The following ARHGAP1 variants were observed in gnomAD, a reference collection of about 807,000 sequenced individuals.
ARHGAP1 encodes Rho GTPase activating protein 1, also known as rho GTPase-activating protein 1.
Under a neutral mutation model 52.2 loss-of-function variants are expected in ARHGAP1, and 23 were observed. The observed-to-expected ratio is 0.44, with a 90% confidence interval of 0.32 to 0.62. The LOEUF (loss-of-function observed/expected upper bound fraction) is 0.62, where lower values mean the gene tolerates loss of function less well. Among genes scored for constraint, ARHGAP1 ranks in the 20% least tolerant of loss-of-function variants. The probability of loss-of-function intolerance (pLI) is 0.05; values close to 1 mark genes in which losing one functional copy is unlikely to be tolerated. For synonymous variants in ARHGAP1, 210 were observed against 228.4 expected, an observed-to-expected ratio of 0.92 and a Z score of 0.73; for missense variants, 480 against 560.9, an observed-to-expected ratio of 0.86 and a Z score of 1.46.
At chr11:46,692,170 G>C (rs1054419303) in intron 3 of ARHGAP1, among the ~76,000 whole-genome samples, 4 of 152,166 alleles carry the variant, frequency 2.6e-5, no homozygotes, top group Admixed American at 6.5e-5. Context: ...CTTCCCACTG[G>C]CTCTGACAGT....
At position 46,680,431 on chromosome 11, in the gene ARHGAP1, G is replaced by A. The variant is rs1215372623; in HGVS notation, c.820+56C>T. ...TCTGCCCTGCCCAGCAGCTTCCCCAGCTTCCTGAAGGGAGCCGGGAGACCT... is the reference window on the plus strand; with the variant it reads ...TCTGCCCTGCCCAGCAGCTTCCCCAACTTCCTGAAGGGAGCCGGGAGACCT... On this transcript the variant is annotated intron_variant, in intron 9 of 12. Coordinates refer to ENST00000311956, the MANE Select transcript of ARHGAP1 (RefSeq NM_004308.5). The surrounding 1 kb of genome is among the most constrained non-coding windows in gnomAD (Gnocchi z 5.9). The A allele has an allele frequency of 6.2e-6, 10 of 1,604,752 alleles. No homozygotes were observed. Among genetic ancestry groups the A allele is most frequent in the Admixed American group, 1.7e-5 (1 of 59,970 alleles).
In ARHGAP1 at chr11:46,688,234, T is replaced by C; in HGVS notation, c.256A>G (p.Ile86Val). The C allele has an allele frequency of 6.2e-7, 1 of 1,613,992 alleles. No homozygotes were observed. The highest frequency in any genetic ancestry group is 8.5e-7 in the Non-Finnish European group (1 of 1,179,962). ...GGCATTCGACAGGCACTAAACACAA[T>C]GATCTTCCGCCCATACTTGTCATCT... Reference protein sequence around the residue: ...AGDDKYGRKIIVFSACRMPPS... With the variant: ...AGDDKYGRKIVVFSACRMPPS... Residue 86 changes from isoleucine to valine, a missense_variant, in exon 4 of 13, where the codon ATT (isoleucine) becomes GTT (valine). Ile to Val is a conservative substitution (Grantham distance 29). Coordinates refer to ENST00000311956, the MANE Select transcript of ARHGAP1 (RefSeq NM_004308.5).
chr11:46,699,364 G>A (rs1031640568), intron 1 of ARHGAP1, among the ~76,000 whole-genome samples: 3 of 152,162 alleles, frequency 2.0e-5, no homozygotes, highest in Non-Finnish European at 2.9e-5. Context: ...TCAACCTCAC[G>A]ATAGCACTGA....
chr11:46,685,203 G>C (rs1164671679), intron 4 of ARHGAP1, among the ~76,000 whole-genome samples: 2 of 151,050 alleles, frequency 1.3e-5, no homozygotes, highest in African/African-American at 4.9e-5. Flanking sequence ...TAGGTGGTGG[G>C]TGTGTGGGAG....
chr11:46,680,705 T>G lies in ARHGAP1; in HGVS notation c.678A>C (p.Thr226=), dbSNP rs1456849362. The change falls in exon 8 of 13, where the codon ACA becomes ACC. Residue 226 remains threonine (T), a synonymous_variant. Transcript: ENST00000311956. This position sits in a 1 kb window ranked among gnomAD's most constrained non-coding sequence, Gnocchi z 5.9. ...GCCGTGGGGGCATGGGCTTGGGGGC[T>G]GTCGCGGGGCTCTTCTGTGTGGATT... ...FLKSTQKSPA[T]APKPMPPRPP... 3.2e-6 allele frequency: 5 copies of G among 1,583,392 alleles called. No homozygotes were observed. Among genetic ancestry groups the G allele is most frequent in the Non-Finnish European group, 3.4e-6 (4 of 1,164,494 alleles).
chr11:46,681,104 T>G lies in ARHGAP1; in HGVS notation c.542A>C (p.Lys181Thr). 6.2e-7 allele frequency: 1 copy of G among 1,614,096 alleles called. No individual in the cohort carries two copies. The highest frequency in any genetic ancestry group is 8.5e-7 in the Non-Finnish European group (1 of 1,179,942). Reference protein sequence around the residue: ...LILFKPLISFKFGQKIFYVNY... With the variant: ...LILFKPLISFTFGQKIFYVNY... ...CACATAGAAGATCTTCTGCCCGAAC[T>G]TGAAGCTGTTGGTGGAAGAAAGGGC... is the stretch of plus-strand genomic sequence containing the variant. Residue 181 changes from lysine to threonine, a missense_variant, in exon 7 of 13, where the codon AAG becomes ACG. Coordinates refer to ENST00000311956, the MANE Select transcript of ARHGAP1 (RefSeq NM_004308.5). The surrounding 1 kb of genome is among the most constrained non-coding windows in gnomAD (Gnocchi z 5.7).
At chr11:46,683,881 C>A in intron 4 of ARHGAP1, among the ~76,000 whole-genome samples, 1 of 152,174 alleles carries the variant, frequency 6.6e-6, no homozygotes, top group South Asian at 2.1e-4. Flanking sequence ...CTCAGGTGAT[C>A]CGCCTGCCTC....
At chr11:46,686,540 T>C (rs1189555806) in intron 4 of ARHGAP1, among the ~76,000 whole-genome samples, 1 of 151,720 alleles carries the variant, frequency 6.6e-6, no homozygotes, top group African/African-American at 2.4e-5. Context: ...CTCAGCCTCC[T>C]GAGTAGCTGG....
chr11:46,694,233 A>G (rs1402597357), intron 3 of ARHGAP1, among the ~76,000 whole-genome samples: 1 of 151,704 alleles, frequency 6.6e-6, no homozygotes, highest in African/African-American at 2.4e-5. Flanking sequence ...GTGTCCCCAC[A>G]CAGCCTCCCC....
chr11:46,690,324 T>C (rs2064602384), intron 3 of ARHGAP1, among the ~76,000 whole-genome samples: 1 of 151,808 alleles, frequency 6.6e-6, no homozygotes. Context: ...GAGACGGAGC[T>C]TGCAGTGAGC....
chr11:46,680,724 G>T lies in ARHGAP1; in HGVS notation c.659C>A (p.Thr220Lys). The change falls in exon 8 of 13, where the codon ACA (threonine) becomes AAA (lysine). Residue 220 changes from threonine to lysine, a missense_variant. Physicochemically the swap from Thr to Lys is moderately conservative, Grantham distance 78 (BLOSUM62 -1). Transcript: ENST00000311956. This position sits in a 1 kb window ranked among gnomAD's most constrained non-coding sequence, Gnocchi z 5.9. ...GGGGGCTGTCGCGGGGCTCTTCTGT[G>T]TGGATTTCAGGAAGTCGTCATATCT... The part of the protein sequence containing the change: ...VLKYDDFLKS[T>K]QKSPATAPKP... 1 of 1,561,624 alleles carries T rather than the reference G, an allele frequency of 6.4e-7. No individual in the cohort carries two copies. Among genetic ancestry groups the T allele is most frequent in the Non-Finnish European group, 8.7e-7 (1 of 1,155,082 alleles).
chr11:46,691,105 C>T (rs751776642), intron 3 of ARHGAP1, among the ~76,000 whole-genome samples: 2 of 152,148 alleles, frequency 1.3e-5, no homozygotes, highest in Admixed American at 6.6e-5. Flanking sequence ...CCAGGCTAGT[C>T]TTGAACTCCT....
In ARHGAP1 at chr11:46,680,707, T is replaced by C; in HGVS notation, c.676A>G (p.Thr226Ala). The part of the protein sequence containing the change: ...FLKSTQKSPA[T>A]APKPMPPRPP... ...CGTGGGGGCATGGGCTTGGGGGCTG[T>C]CGCGGGGCTCTTCTGTGTGGATTTC... is the stretch of plus-strand genomic sequence containing the variant. Residue 226 changes from threonine to alanine, a missense_variant, in exon 8 of 13, where the codon ACA becomes GCA. Coordinates refer to ENST00000311956, the MANE Select transcript of ARHGAP1 (RefSeq NM_004308.5). This position sits in a 1 kb window ranked among gnomAD's most constrained non-coding sequence, Gnocchi z 5.9. The C allele has an allele frequency of 6.3e-7, 1 of 1,580,682 alleles. No individual in the cohort carries two copies. The highest frequency in any genetic ancestry group is 8.6e-7 in the Non-Finnish European group (1 of 1,163,244).
intron 3 of ARHGAP1, 142 bp from the exon 4 acceptor site, chr11:46,688,402 GC>G (rs1366240618): frequency 1.3e-6 from 1 of 780,148 alleles, no homozygotes; most frequent in Non-Finnish European, 2.1e-6. Context: ...CCTCCGGGCA[GC>G]CTCCTGCATG....
At chr11:46,685,122 A>C (rs1337474836) in intron 4 of ARHGAP1, among the ~76,000 whole-genome samples, 1 of 150,792 alleles carries the variant, frequency 6.6e-6, no homozygotes, top group Non-Finnish European at 1.5e-5. Flanking sequence ...CAAACTGACT[A>C]TAGAGTTCCA....
In ARHGAP1 at chr11:46,696,218, C is replaced by T. The variant is rs560519848; in HGVS notation, c.-49-62G>A. ...TGCTCTTTTCACCTTCTGCGACCTC[C>T]ACCGCGTGCCCTCCTGCCCCCACCA... On this transcript the variant is annotated intron_variant, in intron 1 of 12. Coordinates refer to ENST00000311956, the MANE Select transcript of ARHGAP1 (RefSeq NM_004308.5). This position sits in a 1 kb window ranked among gnomAD's most constrained non-coding sequence, Gnocchi z 4.8. 2.5e-5 allele frequency: 30 copies of T among 1,213,938 alleles called. No homozygotes were observed. Among genetic ancestry groups the T allele is most frequent in the Non-Finnish European group, 3.1e-5 (27 of 879,716 alleles). 75.2% of individuals were successfully genotyped at this position (1,213,938 alleles called of 1,614,324 possible).
At chr11:46,698,729 T>G (rs146331589) in intron 1 of ARHGAP1, among the ~76,000 whole-genome samples, 93 of 152,208 alleles carry the variant, frequency 6.1e-4, no homozygotes, top group Non-Finnish European at 1.2e-3. Flanking sequence ...TCTTCTATGC[T>G]GTCAGTTCTT....
rs773584042 is a variant in ARHGAP1, at chr11:46,688,247, A to G, written c.243T>C (p.Tyr81=). The G allele has an allele frequency of 7.4e-6, 12 of 1,613,720 alleles. No homozygotes were observed. In the East Asian group the frequency reaches 2.7e-4, roughly 36 times the overall value. The part of the protein sequence containing the change: ...QIVEVAGDDK[Y]GRKIIVFSAC... ...CACTAAACACAATGATCTTCCGCCCATACTTGTCATCTCCTAGGTGTGGAG... is the reference window on the plus strand; with the variant it reads ...CACTAAACACAATGATCTTCCGCCCGTACTTGTCATCTCCTAGGTGTGGAG... Residue 81 remains tyrosine, a synonymous_variant, in exon 4 of 13, where the codon TAT becomes TAC. Coordinates refer to ENST00000311956, the MANE Select transcript of ARHGAP1 (RefSeq NM_004308.5).
rs1215876115 is a variant in ARHGAP1, at chr11:46,681,223, G to A, written c.536+70C>T. On this transcript the variant is annotated intron_variant, in intron 6 of 12. Transcript: ENST00000311956. This position sits in a 1 kb window ranked among gnomAD's most constrained non-coding sequence, Gnocchi z 5.7. ...GCCCAGCCGCACCTGGTGGTCCCCA[G>A]GCTGCCCAGCCTCCCAGCTTCAGAG... 53 of 1,556,164 alleles carry A rather than the reference G, an allele frequency of 3.4e-5. No individual in the cohort carries two copies. The highest frequency in any genetic ancestry group is 8.3e-5 in the Admixed American group (5 of 59,904).
Sources: allele counts gnomAD v4.1 joint callset (sites outside exome capture counted in the v4.1 genomes callset), GRCh38; gene constraint gnomAD v4.1.1; non-coding constraint Gnocchi (gnomAD v3.1); transcripts MANE v1.5; gene names NCBI Gene and HGNC (gene_info 2026-07-23, HGNC 2026-07-21).